Variants in OSBPL6 observed in about 807,000 individuals in gnomAD.
OSBPL6 encodes oxysterol-binding protein-related protein 6.
A neutral mutation model predicts 125.8 loss-of-function variants in OSBPL6; 49 were observed. The observed-to-expected ratio is 0.39, with a 90% confidence interval of 0.31 to 0.49. The LOEUF is 0.49. Ranked by LOEUF, OSBPL6 falls within the 20% of genes least tolerant of loss-of-function variation. The pLI is 0.88. For synonymous variants in OSBPL6, 394 were observed against 391.8 expected, an observed-to-expected ratio of 1.01 and a Z score of -0.07; for missense variants, 986 against 1,135.4, an observed-to-expected ratio of 0.87 and a Z score of 1.89.
At chr2:178,263,713 C>T (rs1376818472) in intron 1 of OSBPL6, among the ~76,000 whole-genome samples, 1 of 152,046 alleles carries the variant, frequency 6.6e-6, no homozygotes, top group East Asian at 1.9e-4. Context: ...TGACCACAAA[C>T]GTGTGCTTGG....
At chr2:178,307,564 C>T (rs892818543) in intron 3 of OSBPL6, among the ~76,000 whole-genome samples, 3 of 152,042 alleles carry the variant, frequency 2.0e-5, no homozygotes, top group African/African-American at 7.3e-5. Flanking sequence ...TTGTATTGCA[C>T]TTACAGAGTC....
chr2:178,238,922 A>G (rs534473639), intron 1 of OSBPL6, among the ~76,000 whole-genome samples: 1 of 152,274 alleles, frequency 6.6e-6, no homozygotes, highest in Non-Finnish European at 1.5e-5. Context: ...CCCGCCTGTT[A>G]ACAGTCACCT....
chr2:178,401,188 G>A lies in OSBPL6; in HGVS notation c.*5629G>A, dbSNP rs969269024. ...GAAAGACTCACTGACAAAGCCGTCG[G>A]TATCCAGAATGACTGCTCTTGAAAT... On this transcript the variant is annotated 3_prime_UTR_variant, in exon 25 of 25. Coordinates refer to ENST00000190611, the MANE Select transcript of OSBPL6 (RefSeq NM_032523.4). The A allele has an allele frequency of 1.3e-5, 2 of 152,228 alleles. No homozygotes were observed. Among genetic ancestry groups the A allele is most frequent in the Non-Finnish European group, 2.9e-5 (2 of 68,038 alleles). 9.4% of individuals were successfully genotyped at this position (152,228 alleles called of 1,614,324 possible).
rs1575030806 is a variant in OSBPL6 at position 178,382,771 on chromosome 2, T to C, written c.1622-253T>C. The C allele has an allele frequency of 2.6e-5, 37 of 1,425,510 alleles. No individual in the cohort carries two copies. The East Asian group carries it at 9.3e-4, about 36-fold the overall frequency. The allele number at this position is 1,425,510 out of a possible 1,614,324, so 88.3% of individuals were successfully genotyped here. On this transcript the variant is annotated intron_variant, in intron 16 of 24. Transcript: ENST00000190611. ...GTCCTTCTTATTAAATGTATTTAAT[T>C]TTTTAAAACTTAGCCTGTCTTGTCT...
intron 1 of OSBPL6, among the ~76,000 whole-genome samples, chr2:178,252,552 T>A (rs1200815781): frequency 1.3e-5 from 2 of 152,080 alleles, no homozygotes; most frequent in Non-Finnish European, 2.9e-5. Context: ...GGAGACTTTC[T>A]CATATGGTCA....
intron 3 of OSBPL6, among the ~76,000 whole-genome samples, chr2:178,321,367 A>G (rs1469527277): frequency 1.3e-5 from 2 of 152,174 alleles, no homozygotes; most frequent in Non-Finnish European, 2.9e-5. Flanking sequence ...ATCTAGCTAG[A>G]GGCCAGGACT....
In OSBPL6 at chr2:178,247,592, C is replaced by T. The variant is rs546717434; in HGVS notation, c.-350-37335C>T. 1.1e-4 allele frequency among the ~76,000 whole-genome samples: 16 copies of T among 152,256 alleles called. 1 individual carries two copies. The South Asian group carries it at 3.1e-3, about 30-fold the overall frequency. ...CAGTGTTTTCAATTTCTCCTTCTTC[C>T]TTCACTGCCACAACAGCACCCCTCC... On this transcript the variant is annotated intron_variant, in intron 1 of 24. Coordinates refer to ENST00000190611, the MANE Select transcript of OSBPL6 (RefSeq NM_032523.4).
intron 13 of OSBPL6, among the ~76,000 whole-genome samples, chr2:178,368,941 C>T (rs1051199132): frequency 2.0e-5 from 3 of 151,762 alleles, no homozygotes; most frequent in African/African-American, 7.3e-5. Flanking sequence ...GGACTATGGG[C>T]GTGTGCCACC....
intron 1 of OSBPL6, among the ~76,000 whole-genome samples, chr2:178,243,595 CA>C (rs2091375585): frequency 6.6e-6 from 1 of 152,170 alleles, no homozygotes; most frequent in Admixed American, 6.6e-5. Flanking sequence ...CCCCTTCTCC[CA>C]ACTCTATTGC....
chr2:178,324,376 C>T, intron 4 of OSBPL6, 107 bp downstream of exon 4: 2 of 752,652 alleles, frequency 2.7e-6, no homozygotes, highest in Middle Eastern at 4.0e-4. Context: ...ACTTGTGATG[C>T]CACTTGTAGG....
intron 3 of OSBPL6, among the ~76,000 whole-genome samples, chr2:178,319,183 C>T (rs1008367334): frequency 1.3e-5 from 2 of 152,156 alleles, no homozygotes; most frequent in Admixed American, 1.3e-4. Flanking sequence ...AGCTGACTTG[C>T]TCTCAGTTCT....
chr2:178,383,572 C>G (rs1268635449), intron 17 of OSBPL6, among the ~76,000 whole-genome samples: 1 of 152,136 alleles, frequency 6.6e-6, no homozygotes, highest in African/African-American at 2.4e-5. Flanking sequence ...ATCAGTTTTT[C>G]CTGAATGTCA....
At chr2:178,270,314 G>C (rs1216891504) in intron 1 of OSBPL6, among the ~76,000 whole-genome samples, 1 of 152,212 alleles carries the variant, frequency 6.6e-6, no homozygotes, top group African/African-American at 2.4e-5. Flanking sequence ...CTGGAAATAT[G>C]TGCAATGTGA....
chr2:178,205,775 T>G (rs892398894), intron 1 of OSBPL6, among the ~76,000 whole-genome samples: 1 of 152,186 alleles, frequency 6.6e-6, no homozygotes, highest in African/African-American at 2.4e-5. Context: ...TTAATAAATA[T>G]GATAGATTTG....
At chr2:178,258,338 G>A (rs901724069) in intron 1 of OSBPL6, among the ~76,000 whole-genome samples, 13 of 151,308 alleles carry the variant, frequency 8.6e-5, no homozygotes, top group Non-Finnish European at 1.8e-4. Context: ...TCAAGCGATC[G>A]GCCCGCCTCG....
At chr2:178,378,687 A>G (rs1694121034) in intron 15 of OSBPL6, among the ~76,000 whole-genome samples, 1 of 152,252 alleles carries the variant, frequency 6.6e-6, no homozygotes, top group Non-Finnish European at 1.5e-5. Context: ...TGATTACAAT[A>G]GTGCAGAGCC....
intron 12 of OSBPL6, among the ~76,000 whole-genome samples, chr2:178,353,631 TA>T (rs1466904072): frequency 6.6e-6 from 1 of 152,212 alleles, no homozygotes; most frequent in Admixed American, 6.5e-5. Context: ...TAGGTTTACC[TA>T]AAAGTGATGG....
chr2:178,210,357 A>G (rs1430964528), intron 1 of OSBPL6, among the ~76,000 whole-genome samples: 1 of 141,644 alleles, frequency 7.1e-6, no homozygotes, highest in Non-Finnish European at 1.6e-5. Context: ...TCCAACAAAG[A>G]CTTTCAAACT....
intron 11 of OSBPL6, 52 bp from the exon 12 acceptor site, chr2:178,349,172 A>G: frequency 6.4e-7 from 1 of 1,555,670 alleles, no homozygotes; most frequent in Non-Finnish European, 8.9e-7. Context: ...ATGTAGGAGA[A>G]TGTGAAACAA....
Sources: gnomAD v4.1 joint callset for allele counts (sites outside exome capture counted in the v4.1 genomes callset) on GRCh38, gnomAD v4.1.1 for gene constraint, MANE v1.5 for transcripts, NCBI Gene and HGNC (gene_info 2026-07-23, HGNC 2026-07-21) for gene names.